Variants in MINK1 observed in about 807,000 individuals in gnomAD.
MINK1 encodes misshapen like kinase 1.
MINK1 carries 46 observed loss-of-function variants against 178.4 expected under a neutral mutation model. That is an observed-to-expected ratio of 0.26 (90% CI 0.20 to 0.33). The LOEUF (loss-of-function observed/expected upper bound fraction) is 0.33, where lower values mean the gene tolerates loss of function less well. MINK1 is among the 10% of genes least tolerant of loss of function. The probability of loss-of-function intolerance (pLI) is 1.00; values close to 1 mark genes in which losing one functional copy is unlikely to be tolerated. For synonymous variants in MINK1, 797 were observed against 709.7 expected, an observed-to-expected ratio of 1.12 and a Z score of -1.96; for missense variants, 1,366 against 1,814.9, an observed-to-expected ratio of 0.75 and a Z score of 4.49.
intron 1 of MINK1, among the ~76,000 whole-genome samples, chr17:4,841,987 C>T (rs1001653759): frequency 6.6e-6 from 1 of 151,874 alleles, no homozygotes; most frequent in African/African-American, 2.4e-5. Context: ...TTTGGGAGGC[C>T]GAGGCGGGCG....
At chr17:4,865,700 C>G (rs1041163954) in intron 1 of MINK1, among the ~76,000 whole-genome samples, 2 of 132,138 alleles carry the variant, frequency 1.5e-5, no homozygotes, top group African/African-American at 5.9e-5. Flanking sequence ...CTGATCAACA[C>G]AGGGAGACCC....
At chr17:4,892,276 C>T in intron 17 of MINK1, 42 bp downstream of exon 17, 6 of 1,527,202 alleles carry the variant, frequency 3.9e-6, no homozygotes, top group Non-Finnish European at 5.3e-6. Context: ...GGTCTGAGGG[C>T]AGCCTAGGGA....
At chr17:4,879,039 G>A (rs950512674) in intron 2 of MINK1, among the ~76,000 whole-genome samples, 3 of 151,662 alleles carry the variant, frequency 2.0e-5, no homozygotes, top group African/African-American at 4.8e-5. Context: ...TGTGGGAGCC[G>A]CTGCAGCAGG....
Position 4,892,130 on chromosome 17 carries a change from C to A in MINK1, c.2002-19C>A. Reference sequence around the variant, plus strand: ...CCTGTCGCAGCGCCAGCTCGCAGCACGTGGACTTCTCTCCACAGGTGCCTC... The same window carrying A: ...CCTGTCGCAGCGCCAGCTCGCAGCAAGTGGACTTCTCTCCACAGGTGCCTC... On this transcript the variant is annotated intron_variant, in intron 16 of 31. Transcript: ENST00000355280. 1 of 1,572,876 alleles carries A rather than the reference C, an allele frequency of 6.4e-7. No homozygotes were observed. Among genetic ancestry groups the A allele is most frequent in the Non-Finnish European group, 8.6e-7 (1 of 1,157,126 alleles).
At position 4,878,376 on chromosome 17, in the gene MINK1, G is replaced by T. The variant is rs1443709224; in HGVS notation, c.117G>T (p.Val39=). ...EVVGNGTYGQ[V]YKGRHVKTGQ... ...TCGGCAATGGAACCTACGGACAGGT[G>T]TACAAGGTGAGACGAATGGTGTGGA... is the stretch of plus-strand genomic sequence containing the variant. The change falls in exon 2 of 32, where the codon GTG becomes GTT. Residue 39 remains valine, a synonymous_variant. Transcript: ENST00000355280. The T allele has an allele frequency of 2.0e-6, 3 of 1,536,880 alleles. No homozygotes were observed. Among genetic ancestry groups the T allele is most frequent in the Non-Finnish European group, 2.6e-6 (3 of 1,146,560 alleles).
rs752997851 is a variant in MINK1 at position 4,885,651 on chromosome 17, G to C, written c.639+38G>C. The C allele has an allele frequency of 6.2e-7, 1 of 1,612,294 alleles. No homozygotes were observed. Among genetic ancestry groups the C allele is most frequent in the East Asian group, 2.2e-5 (1 of 44,868 alleles). On this transcript the variant is annotated intron_variant, in intron 7 of 31. Coordinates refer to ENST00000355280, the MANE Select transcript of MINK1 (RefSeq NM_153827.5). This position sits in a 1 kb window ranked among gnomAD's most constrained non-coding sequence, Gnocchi z 5.0. ...AAGTTGGGAGCATGGGGGCTGCCAA[G>C]GGCGGGAAGCAATATGGGGACCACG...
At chr17:4,893,160 C>A in intron 20 of MINK1, 93 bp downstream of exon 20, 1 of 1,510,336 alleles carries the variant, frequency 6.6e-7, no homozygotes, top group Non-Finnish European at 9.0e-7. Flanking sequence ...CTCCGCTGAT[C>A]TACCGAGAAG....
chr17:4,876,759 C>T (rs532300678), intron 1 of MINK1, among the ~76,000 whole-genome samples: 13 of 152,192 alleles, frequency 8.5e-5, no homozygotes, highest in Non-Finnish European at 1.9e-4. Context: ...GCGGTGGGGA[C>T]GGGCCCACCC....
At chr17:4,835,351 G>A (rs879865591) in intron 1 of MINK1, among the ~76,000 whole-genome samples, 3 of 152,184 alleles carry the variant, frequency 2.0e-5, no homozygotes, top group South Asian at 2.1e-4. Flanking sequence ...GGGTCAGGCC[G>A]GGCGAGGTGC....
At chr17:4,892,813 T>C (rs1238827588) in intron 19 of MINK1, 45 bp downstream of exon 19, 1 of 1,530,392 alleles carries the variant, frequency 6.5e-7, no homozygotes, top group East Asian at 2.3e-5. Flanking sequence ...CCTGGGGGCT[T>C]ATCACCATGG....
In MINK1 at chr17:4,885,426, G is replaced by A. The variant is rs1464929420; in HGVS notation, c.509-57G>A. 2 of 1,597,110 alleles carry A rather than the reference G, an allele frequency of 1.3e-6. No individual in the cohort carries two copies. Among genetic ancestry groups the A allele is most frequent in the Non-Finnish European group, 1.7e-6 (2 of 1,170,674 alleles). On this transcript the variant is annotated intron_variant, in intron 6 of 31. Coordinates refer to ENST00000355280, the MANE Select transcript of MINK1 (RefSeq NM_153827.5). This position sits in a 1 kb window ranked among gnomAD's most constrained non-coding sequence, Gnocchi z 5.0. ...GTCCTGTGTGTGCACGCAGGGATGT[G>A]AGGCAAGGGAGCAGAGGTGACTCCC... is the stretch of plus-strand genomic sequence containing the variant.
At chr17:4,835,294 T>C (rs1909141555) in intron 1 of MINK1, among the ~76,000 whole-genome samples, 1 of 152,178 alleles carries the variant, frequency 6.6e-6, no homozygotes, top group African/African-American at 2.4e-5. Flanking sequence ...ATTAACTGGC[T>C]ACAGGTTCCT....
Position 4,897,804 on chromosome 17 carries a change from C to G in MINK1, c.*517C>G, listed in dbSNP as rs1402053597. The G allele has an allele frequency of 2.0e-5, 3 of 152,636 alleles. No individual in the cohort carries two copies. The highest frequency in any genetic ancestry group is 4.4e-5 in the Non-Finnish European group (3 of 68,212). 9.5% of individuals were successfully genotyped at this position (152,636 alleles called of 1,614,324 possible). A position where few individuals can be genotyped will look rare whatever the true frequency, so the allele number is the denominator to read the frequency against. ...AAGCACTTTAATGATTCCCCTTCCC[C>G]CAAACTCCAGGGAATGGAGGGGGGA... On this transcript the variant is annotated 3_prime_UTR_variant, in exon 32 of 32. Transcript: ENST00000355280.
intron 13 of MINK1, 71 bp from the exon 14 acceptor site, chr17:4,890,446 G>A: frequency 6.6e-7 from 1 of 1,517,506 alleles, no homozygotes; most frequent in Non-Finnish European, 8.9e-7. Context: ...TTGGAGAAAA[G>A]AGAGGGCATG....
chr17:4,852,408 G>T (rs1461512891), intron 1 of MINK1, among the ~76,000 whole-genome samples: 1 of 151,846 alleles, frequency 6.6e-6, no homozygotes, highest in Non-Finnish European at 1.5e-5. Context: ...GTCAGTACAG[G>T]GTATTGTGGG....
Position 4,865,719 on chromosome 17 carries a change from CAAAA to C in MINK1, c.58-12581_58-12578del, listed in dbSNP as rs141814055. On this transcript the variant is annotated intron_variant, in intron 1 of 31. Coordinates refer to ENST00000355280, the MANE Select transcript of MINK1 (RefSeq NM_153827.5). ...TCAACACAGGGAGACCCGTCTCTACCAAAAAAAAAAAAAAAAAAAAGCCAGTATC... is the reference window on the plus strand; with the variant it reads ...TCAACACAGGGAGACCCGTCTCTACCAAAAAAAAAAAAAAAAGCCAGTATC... 4.0e-4 allele frequency among the ~76,000 whole-genome samples: 41 copies of C among 101,580 alleles called. 1 individual carries two copies. Among genetic ancestry groups the C allele is most frequent in the Non-Finnish European group, 6.4e-4 (31 of 48,440 alleles). 66.6% of individuals were successfully genotyped at this position (101,580 alleles called of 152,430 possible).
chr17:4,845,595 A>C (rs1910894994), intron 1 of MINK1, among the ~76,000 whole-genome samples: 1 of 151,562 alleles, frequency 6.6e-6, no homozygotes, highest in South Asian at 2.1e-4. Context: ...TCTAGTGTTC[A>C]TACTCCTGGA....
rs74543825 is a variant in MINK1, at chr17:4,857,422, T to C, written c.58-20895T>C. On this transcript the variant is annotated intron_variant, in intron 1 of 31. Coordinates refer to ENST00000355280, the MANE Select transcript of MINK1 (RefSeq NM_153827.5). ...AAGGATGGGCATGGCAGAGAGTGAG[T>C]GCAAAGACAGTGGACTAGTGGCAGC... The C allele has an allele frequency of 6.0e-3, 884 of 147,350 alleles. 11 individuals are homozygous for C. Among genetic ancestry groups the C allele is most frequent in the African/African-American group, 0.022 (857 of 39,494 alleles). 9.1% of individuals were successfully genotyped at this position (147,350 alleles called of 1,614,324 possible).
chr17:4,891,185 TAC>T (rs531380817), intron 15 of MINK1, 61 bp downstream of exon 15: 88 of 1,208,048 alleles, frequency 7.3e-5, no homozygotes, highest in Middle Eastern at 5.6e-4. Context: ...AGAGCACAGG[TAC>T]ACACACACGC....
Sources: gnomAD v4.1 joint callset for allele counts (sites outside exome capture counted in the v4.1 genomes callset) on GRCh38, gnomAD v4.1.1 for gene constraint, Gnocchi (gnomAD v3.1) non-coding constraint, MANE v1.5 for transcripts, NCBI Gene and HGNC (gene_info 2026-07-23, HGNC 2026-07-21) for gene names.